Variants in PARP10 observed in about 807,000 individuals in gnomAD.
PARP10 encodes protein mono-ADP-ribosyltransferase PARP10.
Under a neutral mutation model 82.4 loss-of-function variants are expected in PARP10, and 56 were observed. The ratio of observed to expected loss-of-function variants is 0.68; its 90% CI spans 0.55 to 0.85. The LOEUF is 0.85. PARP10 is among the 40% of genes least tolerant of loss of function. The pLI is 0.00. For synonymous variants in PARP10, 576 were observed against 601.1 expected (o/e 0.96, Z 0.61); for missense variants, 1,227 against 1,379.4 (o/e 0.89, Z 1.75).
intron 1 of PARP10, among the ~76,000 whole-genome samples, chr8:144,005,336 A>C (rs918302191): frequency 1.6e-4 from 25 of 152,228 alleles, no homozygotes; most frequent in Non-Finnish European, 2.9e-5. Flanking sequence ...GCCTCAGAGC[A>C]AGGGAAGCAG....
chr8:143,982,073 G>A (rs1833876204), intron 9 of PARP10, among the ~76,000 whole-genome samples: 2 of 151,900 alleles, frequency 1.3e-5, no homozygotes, highest in Admixed American at 1.3e-4. Context: ...ATGGTGGTGA[G>A]GTCTGGGGAC....
intron 1 of PARP10, among the ~76,000 whole-genome samples, chr8:143,997,115 G>A (rs1222655888): frequency 3.3e-5 from 5 of 152,182 alleles, no homozygotes; most frequent in Admixed American, 3.3e-4. Context: ...CTGGCATCAA[G>A]ACACTACAAA....
chr8:143,985,375 G>C (rs1554749036), intron 4 of PARP10, 37 bp downstream of exon 4: 1 of 1,594,576 alleles, frequency 6.3e-7, no homozygotes, highest in Non-Finnish European at 8.5e-7. Context: ...TTCTGCAGGA[G>C]AGGGACGGTC....
chr8:143,982,903 G>A (rs369082654), intron 9 of PARP10, 29 bp downstream of exon 9: 4 of 1,610,120 alleles, frequency 2.5e-6, no homozygotes, highest in Non-Finnish European at 3.4e-6. Context: ...AGGACGCCAT[G>A]AGGCCAGAGA....
intron 9 of PARP10, among the ~76,000 whole-genome samples, chr8:143,980,345 A>AC (rs1833822609): frequency 6.8e-6 from 1 of 146,946 alleles, no homozygotes; most frequent in Non-Finnish European, 1.5e-5. Flanking sequence ...AAAAAAAAAA[A>AC]AAAAAACCAT....
At chr8:143,991,503 T>C, upstream of PARP10, 1 of 1,539,248 alleles carries the variant, frequency 6.5e-7, no homozygotes. Flanking sequence ...ACAGGGCCCC[T>C]ACCCCCAAGG....
chr8:143,993,923 C>A (rs1290151605), upstream of PARP10, among the ~76,000 whole-genome samples: 1 of 152,232 alleles, frequency 6.6e-6, no homozygotes, highest in African/African-American at 2.4e-5. Flanking sequence ...AGGGCTCAGC[C>A]ATTTGGGCCC....
intron 9 of PARP10, among the ~76,000 whole-genome samples, chr8:143,980,339 A>C (rs1587449743): frequency 1.4e-5 from 2 of 141,162 alleles, no homozygotes; most frequent in African/African-American, 2.9e-5. Context: ...AAAAAAAAAA[A>C]AAAAAAAAAA....
At chr8:143,988,477 AT>A (rs1196930125), upstream of PARP10, among the ~76,000 whole-genome samples, 1 of 143,464 alleles carries the variant, frequency 7.0e-6, no homozygotes, top group Non-Finnish European at 1.5e-5. Context: ...TTATTTATTT[AT>A]TTTTTGAGAC....
chr8:143,991,641 G>C (rs996807987), upstream of PARP10: 1 of 1,590,958 alleles, frequency 6.3e-7, no homozygotes, highest in Non-Finnish European at 8.6e-7. Flanking sequence ...GGCCGGGAGG[G>C]CAGGGGGAGG....
rs376377278 is a variant in PARP10 at position 143,986,348 on chromosome 8, C to T, written c.2+10G>A. 56 of 1,614,060 alleles carry T rather than the reference C, an allele frequency of 3.5e-5. No homozygotes were observed. The highest frequency in any genetic ancestry group is 1.6e-4 in the Middle Eastern group (1 of 6,082). On this transcript the variant is annotated intron_variant, in intron 1 of 10. Coordinates refer to ENST00000313028, the MANE Select transcript of PARP10 (RefSeq NM_032789.5). ...CCCCCATTATGGGTGGCCCCACATA[C>T]AGCACTTACATTCCCCGTGGCCGCT...
Position 143,985,544 on chromosome 8 carries a change from C to T in PARP10, c.541G>A (p.Gly181Ser). ...QARAVRVVGDGASVDLLLLEL... is the reference protein window; with the variant it reads ...QARAVRVVGDSASVDLLLLEL... ...AGCAACAGCAGGTCCACAGAGGCAC[C>T]ATCCCCCACCACACGCACCGCTCGG... The change falls in exon 4 of 11, where the codon GGT (glycine) becomes AGT (serine). Residue 181 changes from glycine (G) to serine (S), a missense_variant. Physicochemically the swap from Gly to Ser is moderately conservative, Grantham distance 56. Coordinates refer to ENST00000313028, the MANE Select transcript of PARP10 (RefSeq NM_032789.5). 1 of 1,614,044 alleles carries T rather than the reference C, an allele frequency of 6.2e-7. No homozygotes were observed. Among genetic ancestry groups the T allele is most frequent in the Middle Eastern group, 1.6e-4 (1 of 6,062 alleles).
intron 1 of PARP10, among the ~76,000 whole-genome samples, chr8:144,000,392 A>G (rs116308395): frequency 0.015 from 2,321 of 152,264 alleles, 56 homozygotes; most frequent in African/African-American, 0.053. Flanking sequence ...GCAAGGAGAG[A>G]GGACTGGAAG....
At chr8:143,978,168 C>A in intron 9 of PARP10, 87 bp from the exon 10 acceptor site, 2 of 1,400,730 alleles carry the variant, frequency 1.4e-6, no homozygotes, top group Admixed American at 2.9e-5. Flanking sequence ...CAACCAGGAG[C>A]CCTCTGTTGG....
Position 143,985,147 on chromosome 8 carries a change from C to T in PARP10, c.855G>A (p.Thr285=), listed in dbSNP as rs369106066. Residue 285 remains threonine (T), a synonymous_variant, in exon 5 of 11, where the codon ACG becomes ACA. Transcript: ENST00000313028. ...HALLRTGGLV[T]ALQGAGTVTM... is the part of the protein sequence containing the mutation. ...TCACAGTCCCTGCACCCTGCAGAGC[C>T]GTCACCAACCCTCCGGTCCTCAGGA... 20 of 1,614,032 alleles carry T rather than the reference C, an allele frequency of 1.2e-5. No individual in the cohort carries two copies. In the African/African-American group the frequency reaches 1.9e-4, roughly 15 times the overall value.
chr8:143,992,406 C>T (rs1834115310), upstream of PARP10: 2 of 1,611,160 alleles, frequency 1.2e-6, no homozygotes, highest in African/African-American at 1.3e-5. Flanking sequence ...GCTGTGGCCG[C>T]AGGGGCTGAG....
At chr8:143,991,460 C>T, upstream of PARP10, 1 of 1,492,136 alleles carries the variant, frequency 6.7e-7, no homozygotes, top group Non-Finnish European at 8.9e-7. Context: ...AAGGGGGCTA[C>T]CCACAGGGCC....
chr8:144,010,565 T>A (rs1439243901), intron 1 of PARP10, among the ~76,000 whole-genome samples: 1 of 152,182 alleles, frequency 6.6e-6, no homozygotes, highest in East Asian at 1.9e-4. Flanking sequence ...CCAGAAAACT[T>A]CAGGTTTTTT....
chr8:143,991,895 C>G (rs781951011), upstream of PARP10: 37 of 1,611,732 alleles, frequency 2.3e-5, no homozygotes, highest in South Asian at 3.9e-4. Context: ...TAGTGCTGAC[C>G]TTGCAGCTGT....
Sources: gnomAD v4.1 joint callset for allele counts (sites outside exome capture counted in the v4.1 genomes callset) on GRCh38, gnomAD v4.1.1 for gene constraint, MANE v1.5 for transcripts, NCBI Gene and HGNC (gene_info 2026-07-23, HGNC 2026-07-21) for gene names.